CALD1: variants seen among roughly 807,000 people sequenced by gnomAD.
The protein encoded by CALD1 is caldesmon 1.
In CALD1, 33 loss-of-function variants were observed where a neutral mutation model predicts 99.9. That is an observed-to-expected ratio of 0.33 (90% confidence interval 0.25 to 0.44). The LOEUF is 0.44. CALD1 is among the 20% of genes least tolerant of loss of function. The pLI is 1.00. For missense variants in CALD1, 861 were observed against 962.1 expected, an observed-to-expected ratio of 0.89 and a Z score of 1.39; for synonymous variants, 310 against 325.0, an observed-to-expected ratio of 0.95 and a Z score of 0.50.
At chr7:134,883,028 C>A (rs1335846424) in intron 3 of CALD1, among the ~76,000 whole-genome samples, 1 of 152,028 alleles carries the variant, frequency 6.6e-6, no homozygotes, top group African/African-American at 2.4e-5. Flanking sequence ...ATAAAATATA[C>A]CCTTTGGTTA....
Position 134,867,713 on chromosome 7 carries a change from C to T in CALD1, c.-21C>T. On this transcript the variant is annotated 5_prime_UTR_variant, in exon 3 of 15. Coordinates refer to ENST00000361675, the MANE Select transcript of CALD1 (RefSeq NM_033138.4). ...TTCAGGTCCAGACATCATCTGGTCT[C>T]CCTGAACCTGAAATCACACCATGGA... is the stretch of plus-strand genomic sequence containing the variant. 1 of 1,557,380 alleles carries T rather than the reference C, an allele frequency of 6.4e-7. No individual in the cohort carries two copies.
the CALD1 span, among the ~76,000 whole-genome samples, chr7:134,733,250 G>A: frequency 2.0e-5 from 3 of 152,196 alleles, no homozygotes; most frequent in East Asian, 1.9e-4. Context: ...AAGAGCAAAC[G>A]GCAGAGGGGA....
At chr7:134,795,722 CA>C (rs1797719046) in intron 1 of CALD1, among the ~76,000 whole-genome samples, 1 of 152,100 alleles carries the variant, frequency 6.6e-6, no homozygotes, top group East Asian at 1.9e-4. Context: ...TATGATTGGG[CA>C]GCCTTGTGCT....
intron 1 of CALD1, among the ~76,000 whole-genome samples, chr7:134,766,066 A>G (rs1166358001): frequency 6.6e-6 from 1 of 151,540 alleles, no homozygotes; most frequent in African/African-American, 2.4e-5. Context: ...GCTTCACCAG[A>G]AGGTGGGCAG....
the CALD1 span, among the ~76,000 whole-genome samples, chr7:134,733,646 A>C: frequency 1.3e-5 from 2 of 151,744 alleles, no homozygotes; most frequent in Non-Finnish European, 2.9e-5. Flanking sequence ...GTCTCTACTA[A>C]AAATACAAAA....
chr7:134,804,632 T>C (rs1442924095), intron 1 of CALD1, among the ~76,000 whole-genome samples: 2 of 152,232 alleles, frequency 1.3e-5, no homozygotes, highest in African/African-American at 4.8e-5. Flanking sequence ...TGAAGAAGAT[T>C]ATCTAAGAGC....
chr7:134,960,719 G>A (rs1808200976), intron 13 of CALD1, 91 bp downstream of exon 13: 2 of 755,400 alleles, frequency 2.6e-6, no homozygotes, highest in South Asian at 3.1e-5. Flanking sequence ...ACCTAGGAAT[G>A]GCAGTGCCCC....
At position 134,752,598 on chromosome 7, in the gene CALD1, G is replaced by A. The variant is rs191370344; in HGVS notation, c.-130+8235G>A. 2.6e-3 allele frequency among the ~76,000 whole-genome samples: 399 copies of A among 152,276 alleles called. 2 individuals carry two copies. The highest frequency in any genetic ancestry group is 4.3e-3 in the Non-Finnish European group (295 of 68,032). On this transcript the variant is annotated intron_variant, in intron 1 of 13. Transcript: ENST00000417172. ...TCGGGGAGATAAATGTGTCAAGAAT[G>A]CATAACCACAGCCGAGTAATTATGC...
chr7:134,927,551 CAAAAAAA>C (rs58182455), intron 3 of CALD1, among the ~76,000 whole-genome samples: 8 of 40,398 alleles, frequency 2.0e-4, no homozygotes, highest in Admixed American at 8.2e-4. Flanking sequence ...GACTGTGTCT[CAAAAAAA>C]AAAAAAAAAA....
At chr7:134,775,165 T>C (rs186812068), upstream of CALD1, among the ~76,000 whole-genome samples, 18 of 152,338 alleles carry the variant, frequency 1.2e-4, no homozygotes, top group African/African-American at 4.1e-4. Context: ...CTGCCATTAA[T>C]AGAGTGATCC....
At chr7:134,851,494 C>A (rs1417190852) in intron 2 of CALD1, among the ~76,000 whole-genome samples, 1 of 152,158 alleles carries the variant, frequency 6.6e-6, no homozygotes, top group Non-Finnish European at 1.5e-5. Context: ...ACGAGTACAA[C>A]CTAATGTCAG....
chr7:134,951,630 T>G lies in CALD1; in HGVS notation c.1935+1116T>G, dbSNP rs199891382. Reference sequence around the variant, plus strand: ...CTTTTCCAGGATGGCTTTGGTCCTATGACAGCCTTCATGGAGCACAGCTCC... The same window carrying G: ...CTTTTCCAGGATGGCTTTGGTCCTAGGACAGCCTTCATGGAGCACAGCTCC... On this transcript the variant is annotated intron_variant, in intron 9 of 14. Transcript: ENST00000361675. Among the ~76,000 whole-genome samples the G allele has an allele frequency of 1.4e-4, 21 of 152,326 alleles. No individual in the cohort carries two copies. The East Asian group carries it at 3.5e-3, about 25-fold the overall frequency.
chr7:134,900,891 C>G (rs1163002868), intron 3 of CALD1, among the ~76,000 whole-genome samples: 1 of 151,946 alleles, frequency 6.6e-6, no homozygotes. Context: ...CTGATAGACG[C>G]CAGGGTGAAA....
chr7:134,864,572 G>T (rs1183445762), intron 2 of CALD1, among the ~76,000 whole-genome samples: 2 of 151,914 alleles, frequency 1.3e-5, no homozygotes, highest in Admixed American at 1.3e-4. Context: ...CTAATTTTTT[G>T]TGTGTTTAGT....
intron 1 of CALD1, among the ~76,000 whole-genome samples, chr7:134,825,190 G>A (rs6956185): frequency 0.11 from 16,357 of 152,098 alleles, 917 homozygotes; most frequent in South Asian, 0.18. Flanking sequence ...AGGGGGATAG[G>A]AAAAGGAGCA....
At chr7:134,935,090 G>A (rs1298025882) in intron 5 of CALD1, among the ~76,000 whole-genome samples, 1 of 152,092 alleles carries the variant, frequency 6.6e-6, no homozygotes, top group Non-Finnish European at 1.5e-5. Flanking sequence ...TGGTAATTAA[G>A]AGCATACATG....
intron 9 of CALD1, among the ~76,000 whole-genome samples, chr7:134,951,260 G>C (rs773934649): frequency 2.0e-5 from 3 of 152,134 alleles, no homozygotes; most frequent in Non-Finnish European, 4.4e-5. Context: ...CCTTTCAGCT[G>C]TTTCACAGCT....
At chr7:134,751,183 T>A (rs1022593905) in intron 1 of CALD1, among the ~76,000 whole-genome samples, 1 of 152,182 alleles carries the variant, frequency 6.6e-6, no homozygotes, top group Admixed American at 6.5e-5. Context: ...ATAAGCCTCA[T>A]TTTTCTCCAT....
At chr7:134,753,384 G>C (rs142608432) in intron 1 of CALD1, among the ~76,000 whole-genome samples, 49 of 152,150 alleles carry the variant, frequency 3.2e-4, no homozygotes, top group African/African-American at 9.4e-4. Context: ...GATTCTCTAC[G>C]CTTTGTATGC....
Sources: allele counts gnomAD v4.1 joint callset (sites outside exome capture counted in the v4.1 genomes callset), GRCh38; gene constraint gnomAD v4.1.1; transcripts MANE v1.5; gene names NCBI Gene and HGNC (gene_info 2026-07-23, HGNC 2026-07-21).